The following DYSF variants were observed in gnomAD, a reference collection of about 807,000 sequenced individuals.
DYSF encodes dysferlin.
DYSF carries 212 observed loss-of-function variants against 274.9 expected under a neutral mutation model. The ratio of observed to expected loss-of-function variants is 0.77; its 90% confidence interval spans 0.69 to 0.86. The LOEUF (loss-of-function observed/expected upper bound fraction) is 0.86. DYSF is among the 40% of genes least tolerant of loss of function. The probability of loss-of-function intolerance (pLI) is 0.00; values close to 1 mark genes in which losing one functional copy is unlikely to be tolerated. For missense variants in DYSF, 2,666 were observed against 2,783.2 expected, an observed-to-expected ratio of 0.96 and a Z score of 0.95; for synonymous variants, 1,091 against 1,078.7, an observed-to-expected ratio of 1.01 and a Z score of -0.22.
intron 32 of DYSF, among the ~76,000 whole-genome samples, chr2:71,596,706 C>T (rs2093417613): frequency 1.3e-5 from 2 of 152,312 alleles, no homozygotes; most frequent in African/African-American, 4.8e-5. Flanking sequence ...TGCCAAGGGC[C>T]TCCCATTGCC....
In DYSF at chr2:71,543,972, G is replaced by T. The variant is rs150051988; in HGVS notation, c.1576+4733G>T. On this transcript the variant is annotated intron_variant, in intron 17 of 55. Transcript: ENST00000410020. ...ACGGAGAGGGAGAGGGAGACGGAGA[G>T]GGAGAGGGAGAGGGCTCAAGCCTTC... is the stretch of plus-strand genomic sequence containing the variant. Among the ~76,000 whole-genome samples, 1,402 of 150,386 alleles carry T rather than the reference G, an allele frequency of 9.3e-3. 25 individuals carry two copies. Among genetic ancestry groups the T allele is most frequent in the African/African-American group, 0.033 (1,334 of 40,758 alleles).
chr2:71,517,910 C>T (rs1271635921), intron 10 of DYSF, among the ~76,000 whole-genome samples: 2 of 152,136 alleles, frequency 1.3e-5, no homozygotes, highest in Non-Finnish European at 2.9e-5. Context: ...CAAGCAGAAT[C>T]AAGACCCTTA....
chr2:71,595,359 G>A (rs924606041), intron 32 of DYSF, among the ~76,000 whole-genome samples: 3 of 152,200 alleles, frequency 2.0e-5, no homozygotes, highest in Admixed American at 6.5e-5. Flanking sequence ...AGGTGGCATG[G>A]TGGAAGGAGC....
Position 71,568,254 on chromosome 2 carries a change from G to A in DYSF, c.2780G>A (p.Gly927Asp). Residue 927 changes from glycine (G) to aspartate (D), a missense_variant, in exon 26 of 56, where the codon GGC (glycine) becomes GAC (aspartate). Gly to Asp is a moderately conservative substitution (Grantham distance 94). Transcript: ENST00000410020. ...TACCCCAAGTTTTCTGACGTCACGGGCAAGATCAAGCTACCCAAGGACAGC... is the reference window on the plus strand; with the variant it reads ...TACCCCAAGTTTTCTGACGTCACGGACAAGATCAAGCTACCCAAGGACAGC... ...LTYPKFSDVT[G>D]KIKLPKDSFR... The A allele has an allele frequency of 1.2e-6, 2 of 1,614,220 alleles. No individual in the cohort carries two copies. Among genetic ancestry groups the A allele is most frequent in the Non-Finnish European group, 1.7e-6 (2 of 1,180,048 alleles).
Position 71,674,241 on chromosome 2 carries a change from A to G in DYSF, c.5829A>G (p.Ala1943=), listed in dbSNP as rs748766120. 3.1e-6 allele frequency: 5 copies of G among 1,614,220 alleles called. No individual in the cohort carries two copies. The highest frequency in any genetic ancestry group is 4.2e-6 in the Non-Finnish European group (5 of 1,180,046). ...RLDKTESKIP[A]RVVFQIWDND... ...ACAAGACTGAGAGCAAAATCCCAGCACGAGTGGTGTTCCAGATCTGGGACA... is the reference window on the plus strand; with the variant it reads ...ACAAGACTGAGAGCAAAATCCCAGCGCGAGTGGTGTTCCAGATCTGGGACA... The change falls in exon 52 of 56, where the codon GCA becomes GCG. Residue 1943 remains alanine, a synonymous_variant. Transcript: ENST00000410020.
At chr2:71,563,724 C>T (rs932030305) in intron 23 of DYSF, among the ~76,000 whole-genome samples, 1 of 152,170 alleles carries the variant, frequency 6.6e-6, no homozygotes, top group African/African-American at 2.4e-5. Context: ...GGAATGTCTA[C>T]CTGGTAGCGA....
intron 54 of DYSF, 93 bp from the exon 55 acceptor site, chr2:71,682,437 G>C: frequency 6.5e-7 from 1 of 1,527,990 alleles, no homozygotes; most frequent in Non-Finnish European, 9.1e-7. Context: ...GACTGTGGAG[G>C]GCCAGGCCAT....
chr2:71,540,068 AC>A (rs2152768252), intron 17 of DYSF, among the ~76,000 whole-genome samples: 1 of 151,692 alleles, frequency 6.6e-6, no homozygotes, highest in East Asian at 1.9e-4. Flanking sequence ...TTGGATAAAT[AC>A]CTAAAATTGG....
chr2:71,546,439 A>G (rs1041597762), intron 17 of DYSF, among the ~76,000 whole-genome samples: 2 of 152,202 alleles, frequency 1.3e-5, no homozygotes, highest in Non-Finnish European at 2.9e-5. Flanking sequence ...TTTTGTTTCC[A>G]GTGAGGGCAA....
intron 42 of DYSF, 37 bp from the exon 43 acceptor site, chr2:71,656,125 G>A: frequency 6.2e-7 from 1 of 1,612,122 alleles, no homozygotes. Context: ...CTTTCTTTCT[G>A]TCTCTTGTCC....
In DYSF at chr2:71,567,018, C is replaced by T. The variant is rs73942330; in HGVS notation, c.2566-933C>T. On this transcript the variant is annotated intron_variant, in intron 24 of 55. Transcript: ENST00000410020. The stretch of plus-strand genomic sequence containing the variant: ...CCCGTTTTCTCACTTGGCTATACTG[C>T]TCTGAGCTCATGACACTAGGCCTGG... Among the ~76,000 whole-genome samples, 729 of 152,338 alleles carry T rather than the reference C, an allele frequency of 4.8e-3. 7 individuals carry two copies. Among genetic ancestry groups the T allele is most frequent in the African/African-American group, 0.016 (682 of 41,576 alleles).
At chr2:71,632,458 A>G (rs148365934) in intron 41 of DYSF, among the ~76,000 whole-genome samples, 19 of 152,348 alleles carry the variant, frequency 1.2e-4, no homozygotes, top group African/African-American at 4.3e-4. Flanking sequence ...TGAATTTAGG[A>G]GAGCTAATAT....
chr2:71,477,116 G>A (rs185280039), intron 1 of DYSF, among the ~76,000 whole-genome samples: 29 of 152,180 alleles, frequency 1.9e-4, no homozygotes, highest in East Asian at 5.8e-4. Context: ...AACAAACGAC[G>A]TTCCATGAGA....
chr2:71,517,893 T>C (rs965882617), intron 10 of DYSF, among the ~76,000 whole-genome samples: 9 of 152,186 alleles, frequency 5.9e-5, no homozygotes, highest in African/African-American at 2.2e-4. Flanking sequence ...TCTTCCCTTA[T>C]TTCCAACAAG....
chr2:71,481,270 C>T (rs1378993001), intron 2 of DYSF, among the ~76,000 whole-genome samples: 3 of 152,238 alleles, frequency 2.0e-5, no homozygotes, highest in Admixed American at 6.5e-5. Context: ...TCAAAGCTCA[C>T]CTTCTCCCCA....
At chr2:71,466,585 C>A (rs1021824422), upstream of DYSF, 2 of 1,176,194 alleles carry the variant, frequency 1.7e-6, no homozygotes, top group African/African-American at 1.6e-5. Flanking sequence ...CCCGTCTGAC[C>A]CCTGTCCCTC....
Position 71,570,850 on chromosome 2 carries a change from G to A in DYSF, c.3228+109G>A, listed in dbSNP as rs2092379039. The A allele has an allele frequency of 2.0e-6, 3 of 1,487,382 alleles. No homozygotes were observed. In the African/African-American group the frequency reaches 4.1e-5, roughly 21 times the overall value. The allele number at this position is 1,487,382 out of a possible 1,614,324, so 92.1% of individuals were successfully genotyped here. ...ACACATGCATGTGTGCACACAGCAT[G>A]CACAGACACCTGGGACTCACTGGAG... On this transcript the variant is annotated intron_variant, in intron 29 of 55. Transcript: ENST00000410020.
intron 1 of DYSF, among the ~76,000 whole-genome samples, chr2:71,476,543 A>AG (rs1491527726): frequency 6.9e-6 from 1 of 145,700 alleles, no homozygotes; most frequent in African/African-American, 2.7e-5. Flanking sequence ...CTCCATCTCA[A>AG]GAAAAAAAAA....
chr2:71,678,322 A>C (rs1573169383), intron 52 of DYSF, among the ~76,000 whole-genome samples: 1 of 152,180 alleles, frequency 6.6e-6, no homozygotes, highest in Non-Finnish European at 1.5e-5. Flanking sequence ...ATATGCCTAG[A>C]ATGGAATCTT....
Sources: gnomAD v4.1 joint callset for allele counts (sites outside exome capture counted in the v4.1 genomes callset) on GRCh38, gnomAD v4.1.1 for gene constraint, MANE v1.5 for transcripts, NCBI Gene and HGNC (gene_info 2026-07-23, HGNC 2026-07-21) for gene names.